The following AGPAT5 variants were observed in gnomAD, a reference collection of about 807,000 sequenced individuals.
The protein encoded by AGPAT5 is 1-acylglycerol-3-phosphate O-acyltransferase 5.
In AGPAT5, 46 loss-of-function variants were observed where a neutral mutation model predicts 45.6. That is an observed-to-expected ratio of 1.01 (90% CI 0.80 to 1.29). AGPAT5 has a LOEUF of 1.29. Among genes scored for constraint, AGPAT5 ranks in the 50% most tolerant of loss-of-function variants. The pLI, the probability that AGPAT5 is intolerant of heterozygous loss-of-function variation, is 0.00. For missense variants in AGPAT5, 673 were observed against 450.7 expected (o/e 1.49, Z -4.47); for synonymous variants, 272 against 167.0 (o/e 1.63, Z -4.85).
In AGPAT5 at chr8:6,760,513, G is replaced by A. The variant is rs780237319; in HGVS notation, c.*3125G>A. ...AGAGAGAGAAATGTCTACCAAAGCAGTATTTTGTGTGTATAATTGCAAGCG... is the reference window on the plus strand; with the variant it reads ...AGAGAGAGAAATGTCTACCAAAGCAATATTTTGTGTGTATAATTGCAAGCG... On this transcript the variant is annotated 3_prime_UTR_variant, in exon 8 of 8. Transcript: ENST00000285518. Among the ~76,000 whole-genome samples, 4 of 152,234 alleles carry A rather than the reference G, an allele frequency of 2.6e-5. No homozygotes were observed. Among genetic ancestry groups the A allele is most frequent in the Non-Finnish European group, 4.4e-5 (3 of 68,036 alleles).
chr8:6,719,424 G>C (rs1349453190), intron 1 of AGPAT5, among the ~76,000 whole-genome samples: 3 of 152,164 alleles, frequency 2.0e-5, no homozygotes, highest in East Asian at 3.8e-4. Flanking sequence ...GAAAAGATTA[G>C]AAACATAAAG....
At chr8:6,747,977 A>G in intron 6 of AGPAT5, 149 bp downstream of exon 6, 1 of 871,136 alleles carries the variant, frequency 1.1e-6, no homozygotes, top group Non-Finnish European at 1.7e-6. Context: ...ATTAAGATGT[A>G]ACAGTGGAGA....
intron 4 of AGPAT5, among the ~76,000 whole-genome samples, chr8:6,736,522 T>C (rs1319497033): frequency 1.3e-5 from 2 of 152,262 alleles, no homozygotes; most frequent in East Asian, 3.8e-4. Flanking sequence ...TCACTTGTTT[T>C]CTGCTGTTCT....
chr8:6,721,131 G>A (rs1201809965), intron 1 of AGPAT5, among the ~76,000 whole-genome samples: 1 of 152,154 alleles, frequency 6.6e-6, no homozygotes, highest in South Asian at 2.1e-4. Flanking sequence ...TTTCAGAAGG[G>A]CATAATAATT....
chr8:6,757,641 C>T lies in AGPAT5; in HGVS notation c.*253C>T. 2 of 361,846 alleles carry T rather than the reference C, an allele frequency of 5.5e-6. No individual in the cohort carries two copies. The highest frequency in any genetic ancestry group is 4.3e-5 in the Admixed American group (1 of 23,344). The allele number at this position is 361,846 out of a possible 1,614,324, so 22.4% of individuals were successfully genotyped here. ...GGAGTTTCTCCTGCTCTGTCCATTT[C>T]CTATGAACTAATGACAACTTGAGAA... On this transcript the variant is annotated 3_prime_UTR_variant, in exon 8 of 8. Coordinates refer to ENST00000285518, the MANE Select transcript of AGPAT5 (RefSeq NM_018361.5).
chr8:6,724,192 C>G (rs768065178), intron 1 of AGPAT5, among the ~76,000 whole-genome samples: 6 of 152,184 alleles, frequency 3.9e-5, no homozygotes, highest in Admixed American at 6.5e-5. Flanking sequence ...AAGTTTTAAT[C>G]TTTAGCATGG....
rs1801520568 is a variant in AGPAT5, at chr8:6,747,679, T to A, written c.596T>A (p.Val199Glu). The A allele has an allele frequency of 6.2e-7, 1 of 1,613,756 alleles. No individual in the cohort carries two copies. Among genetic ancestry groups the A allele is most frequent in the Non-Finnish European group, 8.5e-7 (1 of 1,179,794 alleles). The change falls in exon 6 of 8, where the codon GTA becomes GAA. Residue 199 changes from valine (V) to glutamate (E), a missense_variant. Transcript: ENST00000285518. ...QAFAAQRGLAVLKHVLTPRIK... is the reference protein window; with the variant it reads ...QAFAAQRGLAELKHVLTPRIK... ...CTGAATTGACTTCTAGGCCTTGCAG[T>A]ATTAAAACATGTGCTAACACCACGA...
intron 1 of AGPAT5, among the ~76,000 whole-genome samples, chr8:6,709,901 A>G (rs6559177): frequency 0.66 from 100,802 of 151,910 alleles, 33,857 homozygotes; most frequent in African/African-American, 0.76. Flanking sequence ...CTCCTTGGAA[A>G]GAAAAAAAGA....
Position 6,757,442 on chromosome 8 carries a change from C to A in AGPAT5, c.*54C>A, listed in dbSNP as rs984234720. 2 of 1,345,448 alleles carry A rather than the reference C, an allele frequency of 1.5e-6. No homozygotes were observed. The highest frequency in any genetic ancestry group is 1.4e-5 in the African/African-American group (1 of 69,030). The allele number at this position is 1,345,448 out of a possible 1,614,324, so 83.3% of individuals were successfully genotyped here. The stretch of plus-strand genomic sequence containing the variant: ...GTGCTACATTGTCTATTTTTGGCGG[C>A]TGCACATGACATCAAATTGTTTCCT... On this transcript the variant is annotated 3_prime_UTR_variant, in exon 8 of 8. Transcript: ENST00000285518.
intron 6 of AGPAT5, among the ~76,000 whole-genome samples, chr8:6,749,803 C>A (rs905135546): frequency 1.3e-5 from 2 of 152,212 alleles, no homozygotes; most frequent in African/African-American, 2.4e-5. Context: ...CCCATAATAA[C>A]CTTGTTTAAA....
chr8:6,715,762 A>T (rs1042664298), intron 1 of AGPAT5, among the ~76,000 whole-genome samples: 3 of 152,358 alleles, frequency 2.0e-5, no homozygotes, highest in African/African-American at 7.2e-5. Context: ...CGTGTTTATT[A>T]ACTTTGCCAT....
chr8:6,720,690 A>G (rs1800469728), intron 1 of AGPAT5, among the ~76,000 whole-genome samples: 1 of 152,222 alleles, frequency 6.6e-6, no homozygotes, highest in South Asian at 2.1e-4. Flanking sequence ...CAGATCCAGT[A>G]CAGAGGGTGG....
In AGPAT5 at chr8:6,759,016, C is replaced by T. The variant is rs1010455126; in HGVS notation, c.*1628C>T. On this transcript the variant is annotated 3_prime_UTR_variant, in exon 8 of 8. Coordinates refer to ENST00000285518, the MANE Select transcript of AGPAT5 (RefSeq NM_018361.5). ...CTTTCAAGCATCATCTTTGAAGAGT[C>T]GTGTGGTGTGAATTGGTTTGTGTAC... The T allele has an allele frequency of 6.6e-6, 1 of 152,228 alleles. No homozygotes were observed. The highest frequency in any genetic ancestry group is 2.4e-5 in the African/African-American group (1 of 41,440). The allele number at this position is 152,228 out of a possible 1,614,324, so 9.4% of individuals were successfully genotyped here.
intron 5 of AGPAT5, among the ~76,000 whole-genome samples, chr8:6,742,547 G>C (rs1441591922): frequency 6.6e-6 from 1 of 152,190 alleles, no homozygotes; most frequent in African/African-American, 2.4e-5. Context: ...GCCTATGACA[G>C]TGCTGTCTAA....
chr8:6,708,780 C>G lies in AGPAT5; in HGVS notation c.112C>G (p.Leu38Val). 1.2e-6 allele frequency: 2 copies of G among 1,609,108 alleles called. No individual in the cohort carries two copies. The change falls in exon 1 of 8, where the codon CTC becomes GTC. Residue 38 changes from leucine to valine, a missense_variant. Coordinates refer to ENST00000285518, the MANE Select transcript of AGPAT5 (RefSeq NM_018361.5). ...GTTGGCCTGGGGGGTCTGGCGGCTG[C>G]TCTCCGCCTTCCTGCCCGCCCGCTT... is the stretch of plus-strand genomic sequence containing the variant. The part of the protein sequence containing the change: ...YVLAWGVWRL[L>V]SAFLPARFYQ...
intron 6 of AGPAT5, 44 bp downstream of exon 6, chr8:6,747,872 C>T: frequency 6.4e-7 from 1 of 1,574,460 alleles, no homozygotes; most frequent in African/African-American, 1.4e-5. Flanking sequence ...ACGGTATATA[C>T]AGTGCACATG....
At chr8:6,710,471 G>A (rs552169094) in intron 1 of AGPAT5, among the ~76,000 whole-genome samples, 1 of 152,200 alleles carries the variant, frequency 6.6e-6, no homozygotes, top group Non-Finnish European at 1.5e-5. Flanking sequence ...TGTTTAATGT[G>A]TGTTCCTTGA....
At chr8:6,756,170 G>A (rs971646413) in intron 7 of AGPAT5, among the ~76,000 whole-genome samples, 3 of 152,118 alleles carry the variant, frequency 2.0e-5, no homozygotes, top group Non-Finnish European at 2.9e-5. Context: ...CAAATCTTAT[G>A]TAATATGGGA....
chr8:6,721,817 T>G (rs1034968309), intron 1 of AGPAT5, among the ~76,000 whole-genome samples: 5 of 152,176 alleles, frequency 3.3e-5, no homozygotes, highest in Non-Finnish European at 7.3e-5. Flanking sequence ...CGTTAGTATT[T>G]TTACATGCAC....
Sources: allele counts gnomAD v4.1 joint callset (sites outside exome capture counted in the v4.1 genomes callset), GRCh38; gene constraint gnomAD v4.1.1; transcripts MANE v1.5; gene names NCBI Gene and HGNC (gene_info 2026-07-23, HGNC 2026-07-21).